The following ADGRB1 variants were observed in gnomAD, a reference collection of about 807,000 sequenced individuals.
ADGRB1 encodes the protein brain-specific angiogenesis inhibitor 1.
Under a neutral mutation model 175.7 loss-of-function variants are expected in ADGRB1, and 36 were observed. The ratio of observed to expected loss-of-function variants is 0.20; its 90% CI spans 0.16 to 0.27. ADGRB1 has a LOEUF of 0.27. Among genes scored for constraint, ADGRB1 ranks in the 10% least tolerant of loss-of-function variants. The probability of loss-of-function intolerance (pLI) is 1.00; values close to 1 mark genes in which losing one functional copy is unlikely to be tolerated. For missense variants in ADGRB1, 1,731 were observed against 2,255.3 expected, an observed-to-expected ratio of 0.77 and a Z score of 4.71; for synonymous variants, 1,054 against 979.4, an observed-to-expected ratio of 1.08 and a Z score of -1.42.
In ADGRB1 at chr8:142,454,289, C is replaced by T. The variant is rs190615106; in HGVS notation, c.-220+4185C>T. Among the ~76,000 whole-genome samples the T allele has an allele frequency of 7.9e-5, 12 of 152,302 alleles. No individual in the cohort carries two copies. In the South Asian group the frequency reaches 1.5e-3, roughly 18 times the overall value. ...CGCCACCCAAAACCAACACACACCC[C>T]GGTGTGAGGTGCAGGCAGACACCCA... On this transcript the variant is annotated intron_variant, in intron 1 of 30. Coordinates refer to ENST00000517894, the MANE Select transcript of ADGRB1 (RefSeq NM_001702.3).
At chr8:142,498,570 C>T (rs941204915) in intron 17 of ADGRB1, among the ~76,000 whole-genome samples, 4 of 151,816 alleles carry the variant, frequency 2.6e-5, no homozygotes, top group Admixed American at 2.6e-4. Context: ...TGTGCGCGCC[C>T]AGGCCTCAGT....
chr8:142,479,772 C>T lies in ADGRB1; in HGVS notation c.1806C>T (p.Val602=). ...KETPAGEVAA[V]RCPRNATGLI... Reference sequence around the variant, plus strand: ...CCCCAGCGGGAGAGGTGGCTGCTGTCCGGTGTCCCCGCAACGCCACAGGTG... The same window carrying T: ...CCCCAGCGGGAGAGGTGGCTGCTGTTCGGTGTCCCCGCAACGCCACAGGTG... Residue 602 remains valine, a synonymous_variant, in exon 9 of 31, where the codon GTC becomes GTT. Transcript: ENST00000517894. 1 of 1,612,820 alleles carries T rather than the reference C, an allele frequency of 6.2e-7. No homozygotes were observed. The highest frequency in any genetic ancestry group is 8.5e-7 in the Non-Finnish European group (1 of 1,179,470).
chr8:142,490,856 G>A, intron 17 of ADGRB1, 41 bp downstream of exon 17: 1 of 1,555,096 alleles, frequency 6.4e-7, no homozygotes, highest in South Asian at 1.2e-5. Flanking sequence ...GGTCTGGGGT[G>A]GGGTTCGTGG....
Position 142,497,418 on chromosome 8 carries a change from C to T in ADGRB1, c.2675+6603C>T, listed in dbSNP as rs982270560. Among the ~76,000 whole-genome samples the T allele has an allele frequency of 3.9e-5, 6 of 151,904 alleles. No individual in the cohort carries two copies. In the South Asian group the frequency reaches 6.3e-4, roughly 16 times the overall value. On this transcript the variant is annotated intron_variant, in intron 17 of 30. Transcript: ENST00000517894. Reference sequence around the variant, plus strand: ...CGGAAGGAAGACTTGGCAGGGTCCCCGGGTCGCTGTCAGCAGCCGGTTCCC... The same window carrying T: ...CGGAAGGAAGACTTGGCAGGGTCCCTGGGTCGCTGTCAGCAGCCGGTTCCC...
chr8:142,518,265 C>T (rs1410854418), intron 19 of ADGRB1, 24 bp downstream of exon 19: 1 of 1,609,912 alleles, frequency 6.2e-7, no homozygotes, highest in African/African-American at 1.3e-5. Context: ...AGGTGCTGGG[C>T]ATGCATGTCT....
chr8:142,469,172 C>A (rs374856641), intron 2 of ADGRB1, among the ~76,000 whole-genome samples: 3 of 124,572 alleles, frequency 2.4e-5, no homozygotes, highest in African/African-American at 5.9e-5. Flanking sequence ...TGTGTGTGTG[C>A]ATGTGTGTGA....
At chr8:142,457,397 G>A (rs1487460046) in intron 1 of ADGRB1, among the ~76,000 whole-genome samples, 1 of 152,190 alleles carries the variant, frequency 6.6e-6, no homozygotes, top group Admixed American at 6.5e-5. Context: ...CAGCCCCACA[G>A]TGGTCTCTGT....
In ADGRB1 at chr8:142,543,962, T is replaced by C. The variant is rs1454873269; in HGVS notation, c.4557+254T>C. ...GGGGTCTGGATTGGGGTGGAGCCAA[T>C]CCAGGGCAGGGTCCCCACAGCCTGA... On this transcript the variant is annotated intron_variant, in intron 30 of 30. Transcript: ENST00000517894. The surrounding 1 kb of genome is among the most constrained non-coding windows in gnomAD (Gnocchi z 4.4). Among the ~76,000 whole-genome samples the C allele has an allele frequency of 1.3e-5, 2 of 151,964 alleles. No homozygotes were observed. The highest frequency in any genetic ancestry group is 2.4e-5 in the African/African-American group (1 of 41,358).
rs1043007923 is a variant in ADGRB1 at position 142,528,106 on chromosome 8, G to A, written c.3398+1479G>A. Among the ~76,000 whole-genome samples the A allele has an allele frequency of 2.0e-5, 3 of 152,298 alleles. No individual in the cohort carries two copies. The South Asian group carries it at 6.2e-4, about 32-fold the overall frequency. ...GGGGTGGAGGGGCACCCAGTACACC[G>A]GTCTATGTGTGCACGCACACCCACA... On this transcript the variant is annotated intron_variant, in intron 24 of 30. Transcript: ENST00000517894.
At chr8:142,454,724 C>A (rs982448777) in intron 1 of ADGRB1, among the ~76,000 whole-genome samples, 1 of 152,238 alleles carries the variant, frequency 6.6e-6, no homozygotes, top group South Asian at 2.1e-4. Flanking sequence ...CCTTCCCCCG[C>A]AAAGCACATG....
At chr8:142,468,454 G>A (rs1294232235) in intron 2 of ADGRB1, among the ~76,000 whole-genome samples, 1 of 152,174 alleles carries the variant, frequency 6.6e-6, no homozygotes, top group South Asian at 2.1e-4. Context: ...GTGGAATGTC[G>A]TCTCCTAGGC....
chr8:142,505,622 TG>T (rs1238978462), intron 17 of ADGRB1, among the ~76,000 whole-genome samples: 6 of 151,868 alleles, frequency 4.0e-5, no homozygotes, highest in Non-Finnish European at 8.8e-5. Flanking sequence ...AGGAGAGAGT[TG>T]GGAGGTTGGG....
chr8:142,525,894 C>A lies in ADGRB1; in HGVS notation c.3313-648C>A, dbSNP rs117520140. ...GGAGCAGAGAGTATGGCCTGAGACTCCTCCTTCCCCCCAGCAGAGGAGGCC... is the reference window on the plus strand; with the variant it reads ...GGAGCAGAGAGTATGGCCTGAGACTACTCCTTCCCCCCAGCAGAGGAGGCC... On this transcript the variant is annotated intron_variant, in intron 23 of 30. Transcript: ENST00000517894. Among the ~76,000 whole-genome samples the A allele has an allele frequency of 2.0e-4, 30 of 152,204 alleles. No individual in the cohort carries two copies. The South Asian group carries it at 5.8e-3, about 29-fold the overall frequency.
intron 25 of ADGRB1, among the ~76,000 whole-genome samples, chr8:142,535,023 A>C (rs1302646133): frequency 6.6e-6 from 1 of 152,190 alleles, no homozygotes; most frequent in Non-Finnish European, 1.5e-5. Flanking sequence ...GCTTCTGTGA[A>C]ACAAGAACAG....
chr8:142,464,081 GCCCC>G lies in ADGRB1; in HGVS notation c.-117_-114del. ...CGGGGCCCTCTCCCATCCCACCCTT[GCCCC>G]GCCTCCCTGCCCCCACCGGGCCGGC... On this transcript the variant is annotated 5_prime_UTR_variant, in exon 2 of 31. Transcript: ENST00000517894. 4.3e-6 allele frequency: 1 copy of G among 231,452 alleles called. No individual in the cohort carries two copies. The allele number at this position is 231,452 out of a possible 1,614,324, so 14.3% of individuals were successfully genotyped here. A position where few individuals can be genotyped will look rare whatever the true frequency, so the allele number is the denominator to read the frequency against.
intron 6 of ADGRB1, among the ~76,000 whole-genome samples, chr8:142,477,880 G>T (rs1282850464): frequency 6.6e-6 from 1 of 151,410 alleles, no homozygotes; most frequent in Non-Finnish European, 1.5e-5. Flanking sequence ...GGTGTGGGGT[G>T]GTGGCCCCAG....
intron 19 of ADGRB1, among the ~76,000 whole-genome samples, chr8:142,519,542 G>T (rs1321547003): frequency 6.6e-6 from 1 of 152,010 alleles, no homozygotes; most frequent in East Asian, 1.9e-4. Flanking sequence ...TGGGGGTGGT[G>T]CTGCTGCTGG....
intron 12 of ADGRB1, 55 bp downstream of exon 12, chr8:142,484,100 G>T: frequency 6.7e-7 from 1 of 1,503,022 alleles, no homozygotes; most frequent in Non-Finnish European, 9.1e-7. Context: ...AGGCACAGCT[G>T]GTGCCTCCCT....
intron 16 of ADGRB1, 41 bp from the exon 17 acceptor site, chr8:142,490,731 C>T: frequency 6.4e-7 from 1 of 1,556,320 alleles, no homozygotes; most frequent in Non-Finnish European, 8.7e-7. Context: ...GGGGCTGGTC[C>T]TGGCTGCCAG....
Sources: gnomAD v4.1 joint callset for allele counts (sites outside exome capture counted in the v4.1 genomes callset) on GRCh38, gnomAD v4.1.1 for gene constraint, Gnocchi (gnomAD v3.1) non-coding constraint, MANE v1.5 for transcripts, NCBI Gene and HGNC (gene_info 2026-07-23, HGNC 2026-07-21) for gene names.